VPS13C: variants seen among roughly 807,000 people sequenced by gnomAD.
VPS13C encodes the protein vacuolar protein sorting 13 homolog C.
VPS13C carries 358 observed loss-of-function variants against 456.8 expected under a neutral mutation model. The ratio of observed to expected loss-of-function variants is 0.78; its 90% CI spans 0.72 to 0.86. The LOEUF (loss-of-function observed/expected upper bound fraction) is 0.86. Among genes scored for constraint, VPS13C ranks in the 40% least tolerant of loss-of-function variants. The pLI is 0.00. For missense variants in VPS13C, 4,818 were observed against 4,385.4 expected, an observed-to-expected ratio of 1.10 and a Z score of -2.79; for synonymous variants, 1,578 against 1,486.7, an observed-to-expected ratio of 1.06 and a Z score of -1.41.
intron 29 of VPS13C, 36 bp from the exon 30 acceptor site, chr15:61,966,178 A>G (rs1175540008): frequency 1.4e-6 from 2 of 1,473,296 alleles, no homozygotes; most frequent in Non-Finnish European, 1.9e-6. Context: ...AGAAGGTACT[A>G]GGATCGAAGT....
intron 8 of VPS13C, 136 bp from the exon 9 acceptor site, chr15:62,020,674 G>A: frequency 2.9e-6 from 2 of 688,662 alleles, no homozygotes; most frequent in Non-Finnish European, 2.3e-6. Flanking sequence ...AAAACACAGG[G>A]GAAGGAGGTA....
At chr15:62,033,575 A>T (rs1466606365) in intron 4 of VPS13C, 33 bp from the exon 5 acceptor site, 4 of 1,432,402 alleles carry the variant, frequency 2.8e-6, no homozygotes, top group Non-Finnish European at 3.8e-6. Flanking sequence ...CACAAAAATA[A>T]ATGGAATTAA....
At chr15:62,059,358 C>T (rs534342900) in intron 1 of VPS13C, among the ~76,000 whole-genome samples, 1 of 152,154 alleles carries the variant, frequency 6.6e-6, no homozygotes, top group Non-Finnish European at 1.5e-5. Flanking sequence ...ACATTTGAGT[C>T]GTTTTTTGAA....
chr15:61,896,479 A>G (rs867801498), intron 66 of VPS13C, among the ~76,000 whole-genome samples: 5 of 152,138 alleles, frequency 3.3e-5, no homozygotes, highest in South Asian at 2.1e-4. Context: ...CTACTCAAAG[A>G]AAGGGGTGAC....
intron 16 of VPS13C, among the ~76,000 whole-genome samples, chr15:61,995,662 A>T (rs1323787176): frequency 6.6e-6 from 1 of 152,206 alleles, no homozygotes; most frequent in African/African-American, 2.4e-5. Context: ...CTCTAGCCAG[A>T]AATCAACAAA....
chr15:61,916,458 A>C (rs895230959), intron 60 of VPS13C, among the ~76,000 whole-genome samples: 26 of 152,192 alleles, frequency 1.7e-4, no homozygotes, highest in Non-Finnish European at 4.4e-5. Context: ...TCAGAGTAAA[A>C]AGTTACTCTG....
intron 59 of VPS13C, 80 bp from the exon 60 acceptor site, chr15:61,917,715 C>T (rs1319094898): frequency 2.8e-6 from 4 of 1,441,148 alleles, no homozygotes; most frequent in East Asian, 4.8e-5. Context: ...TTCCTGACAA[C>T]TCTACAAGAT....
chr15:62,037,318 T>A (rs138942875), intron 3 of VPS13C, among the ~76,000 whole-genome samples: 37,698 of 77,384 alleles, frequency 0.49, 9,501 homozygotes, highest in Admixed American at 0.55. Context: ...ATAAATATAT[T>A]ATATATTATA....
At chr15:61,869,116 C>CTTTTTT (rs68084709) in intron 80 of VPS13C, among the ~76,000 whole-genome samples, 8 of 131,306 alleles carry the variant, frequency 6.1e-5, no homozygotes, top group East Asian at 2.3e-4. Context: ...TTTCTTTTTT[C>CTTTTTT]TTTTTTTTTT....
At chr15:61,965,709 CT>C (rs2045356051) in intron 30 of VPS13C, among the ~76,000 whole-genome samples, 1 of 151,828 alleles carries the variant, frequency 6.6e-6, no homozygotes, top group East Asian at 1.9e-4. Flanking sequence ...AGTGCTTTGA[CT>C]TCAAAAGTGC....
chr15:62,051,378 G>A (rs1293643532), intron 1 of VPS13C, among the ~76,000 whole-genome samples: 2 of 152,122 alleles, frequency 1.3e-5, no homozygotes, highest in African/African-American at 4.8e-5. Context: ...AGCCTCCTGG[G>A]CAAGAAACAG....
chr15:61,875,648 T>C, intron 76 of VPS13C, 84 bp downstream of exon 76: 2 of 914,400 alleles, frequency 2.2e-6, no homozygotes, highest in Non-Finnish European at 3.4e-6. Flanking sequence ...AAGATACAAT[T>C]ACAATGCAAA....
intron 5 of VPS13C, among the ~76,000 whole-genome samples, chr15:62,032,717 A>G (rs987420492): frequency 6.6e-6 from 1 of 151,788 alleles, no homozygotes; most frequent in Non-Finnish European, 1.5e-5. Context: ...AAAAATATAT[A>G]CACATGCCAC....
intron 28 of VPS13C, 125 bp from the exon 29 acceptor site, chr15:61,967,572 G>C (rs2045417810): frequency 1.4e-6 from 1 of 738,424 alleles, no homozygotes; most frequent in African/African-American, 1.9e-5. Flanking sequence ...TATTGTCATA[G>C]CTATTAAATA....
rs1412225601 is a variant in VPS13C at position 61,920,650 on chromosome 15, A to G, written c.7063-3T>C. On this transcript the variant is annotated splice_region_variant and splice_polypyrimidine_tract_variant and intron_variant, in intron 55 of 84. Coordinates refer to ENST00000644861, the MANE Select transcript of VPS13C (RefSeq NM_020821.3). ...TCCTGAACTGGGTTCTTCTTTACCT[A>G]TGAAGAAAAATAACACAGCAAATTT... 1.3e-6 allele frequency: 2 copies of G among 1,559,442 alleles called. No homozygotes were observed. The highest frequency in any genetic ancestry group is 1.4e-5 in the African/African-American group (1 of 71,308).
rs895545632 is a variant in VPS13C at position 62,043,876 on chromosome 15, T to C, written c.144+336A>G. The stretch of plus-strand genomic sequence containing the variant: ...ATCAATCTATTTCCAAAATTAGATA[T>C]GTTATTTAAAATCAAGCCCTCATTT... On this transcript the variant is annotated intron_variant, in intron 2 of 84. Coordinates refer to ENST00000644861, the MANE Select transcript of VPS13C (RefSeq NM_020821.3). Among the ~76,000 whole-genome samples the C allele has an allele frequency of 2.0e-5, 3 of 152,206 alleles. No homozygotes were observed. In the South Asian group the frequency reaches 6.2e-4, roughly 32 times the overall value.
At chr15:61,915,521 A>G (rs2043443062) in intron 61 of VPS13C, 112 bp downstream of exon 61, 1 of 1,165,788 alleles carries the variant, frequency 8.6e-7, no homozygotes. Context: ...CCTAATTCAC[A>G]CCAATGGCAT....
At chr15:61,950,483 C>T in intron 40 of VPS13C, 66 bp from the exon 41 acceptor site, 1 of 1,212,254 alleles carries the variant, frequency 8.2e-7, no homozygotes, top group Non-Finnish European at 1.2e-6. Context: ...TGAAAATATA[C>T]ATATTCTTTA....
intron 66 of VPS13C, among the ~76,000 whole-genome samples, chr15:61,903,397 A>C (rs1442684743): frequency 6.6e-6 from 1 of 151,800 alleles, no homozygotes; most frequent in East Asian, 1.9e-4. Flanking sequence ...AAAGAAATCA[A>C]GAAAGCAATA....
Sources: allele counts gnomAD v4.1 joint callset (sites outside exome capture counted in the v4.1 genomes callset), GRCh38; gene constraint gnomAD v4.1.1; transcripts MANE v1.5; gene names NCBI Gene and HGNC (gene_info 2026-07-23, HGNC 2026-07-21).